Variants in TMEM245 observed in about 807,000 individuals in gnomAD.
TMEM245 encodes transmembrane protein 245.
A neutral mutation model predicts 101.2 loss-of-function variants in TMEM245; 69 were observed. The observed-to-expected ratio is 0.68, with a 90% confidence interval of 0.56 to 0.83. The LOEUF (loss-of-function observed/expected upper bound fraction) is 0.83, where lower values mean the gene tolerates loss of function less well. TMEM245 is among the 40% of genes least tolerant of loss of function. The pLI is 0.00. For synonymous variants in TMEM245, 537 were observed against 449.8 expected (o/e 1.19, Z -2.45); for missense variants, 1,075 against 1,092.8 (o/e 0.98, Z 0.23).
At chr9:109,045,942 T>C (rs762921241) in intron 14 of TMEM245, among the ~76,000 whole-genome samples, 2 of 152,210 alleles carry the variant, frequency 1.3e-5, no homozygotes, top group African/African-American at 2.4e-5. Context: ...CATTTAAATA[T>C]TGTTTATACT....
intron 14 of TMEM245, among the ~76,000 whole-genome samples, chr9:109,043,404 G>T (rs1472304393): frequency 6.6e-6 from 1 of 152,116 alleles, no homozygotes; most frequent in Admixed American, 6.5e-5. Flanking sequence ...AGCACCTACT[G>T]CAGAAATTGA....
At chr9:109,023,814 C>T (rs1298200962) in intron 17 of TMEM245, among the ~76,000 whole-genome samples, 1 of 143,534 alleles carries the variant, frequency 7.0e-6, no homozygotes, top group Non-Finnish European at 1.5e-5. Context: ...CCAGCCTAGG[C>T]GACAGAGTGA....
chr9:109,114,557 A>G (rs1244121545), intron 1 of TMEM245, among the ~76,000 whole-genome samples: 1 of 152,228 alleles, frequency 6.6e-6, no homozygotes, highest in Admixed American at 6.5e-5. Flanking sequence ...TTAGAACTTC[A>G]GGTGTTTTTA....
chr9:109,064,543 G>T lies in TMEM245; in HGVS notation c.1557C>A (p.Val519=), dbSNP rs541351005. The T allele has an allele frequency of 1.9e-6, 3 of 1,613,720 alleles. No homozygotes were observed. Among genetic ancestry groups the T allele is most frequent in the South Asian group, 1.1e-5 (1 of 91,046 alleles). Residue 519 remains valine (V), a synonymous_variant, in exon 10 of 18, where the codon GTC becomes GTA. Coordinates refer to ENST00000374586, the MANE Select transcript of TMEM245 (RefSeq NM_032012.4). ...WANWLPEAQV[V]QRALNSAANN... ...TAGCCGCAGAATTCAGGGCTCTTTGGACTACCTGAGCCTCAGGAAGCCAAC... is the reference window on the plus strand; with the variant it reads ...TAGCCGCAGAATTCAGGGCTCTTTGTACTACCTGAGCCTCAGGAAGCCAAC...
At chr9:109,033,217 T>C in intron 17 of TMEM245, 90 bp downstream of exon 17, 1 of 1,332,168 alleles carries the variant, frequency 7.5e-7, no homozygotes, top group South Asian at 1.7e-5. Context: ...ACCTTTATCC[T>C]GACAAGTCTG....
chr9:109,087,038 A>C (rs1464463372), intron 6 of TMEM245, 135 bp downstream of exon 6: 6 of 764,940 alleles, frequency 7.8e-6, no homozygotes, highest in Non-Finnish European at 1.2e-5. Flanking sequence ...AATTTTAAAC[A>C]TTAAACTTTC....
At chr9:109,077,987 CTG>C (rs1829561222) in intron 8 of TMEM245, among the ~76,000 whole-genome samples, 1 of 152,182 alleles carries the variant, frequency 6.6e-6, no homozygotes, top group South Asian at 2.1e-4. Flanking sequence ...TATTGGTCCT[CTG>C]TTGTTCCTGC....
intron 15 of TMEM245, among the ~76,000 whole-genome samples, chr9:109,036,582 C>T (rs968589011): frequency 6.6e-6 from 1 of 152,086 alleles, no homozygotes; most frequent in Non-Finnish European, 1.5e-5. Context: ...AAATGTGATA[C>T]TAAAAATCTT....
chr9:109,060,379 C>G lies in TMEM245; in HGVS notation c.1697G>C (p.Arg566Thr). The change falls in exon 11 of 18, where the codon AGA becomes ACA. Residue 566 changes from arginine to threonine, a missense_variant. Arg to Thr is a moderately conservative substitution (Grantham distance 71). Coordinates refer to ENST00000374586, the MANE Select transcript of TMEM245 (RefSeq NM_032012.4). Reference protein sequence around the residue: ...IEKQVLELWDRLYHSWFVKNV... With the variant: ...IEKQVLELWDTLYHSWFVKNV... The stretch of plus-strand genomic sequence containing the variant: ...CTTTACAAACCAAGAGTGATACAGT[C>G]TGTCCCAAAGTTCTAGTACTTGCTT... The G allele has an allele frequency of 6.2e-7, 1 of 1,613,444 alleles. No individual in the cohort carries two copies. The highest frequency in any genetic ancestry group is 8.5e-7 in the Non-Finnish European group (1 of 1,179,690).
intron 1 of TMEM245, among the ~76,000 whole-genome samples, chr9:109,114,446 G>A (rs1830654660): frequency 1.3e-5 from 2 of 152,148 alleles, no homozygotes; most frequent in South Asian, 4.1e-4. Context: ...CTTAGAAATT[G>A]TTCAAGCCAA....
At chr9:109,066,298 T>C (rs1829161451) in intron 9 of TMEM245, among the ~76,000 whole-genome samples, 1 of 151,266 alleles carries the variant, frequency 6.6e-6, no homozygotes. Flanking sequence ...TACTAAAAAA[T>C]ACAAAAATTA....
intron 16 of TMEM245, among the ~76,000 whole-genome samples, chr9:109,035,829 G>C (rs564123350): frequency 6.6e-6 from 1 of 151,510 alleles, no homozygotes; most frequent in East Asian, 1.9e-4. Flanking sequence ...TAGTGCCTTG[G>C]GAAGTTCAAG....
chr9:109,094,623 C>G (rs1830092075), intron 3 of TMEM245, among the ~76,000 whole-genome samples: 1 of 152,214 alleles, frequency 6.6e-6, no homozygotes, highest in Non-Finnish European at 1.5e-5. Flanking sequence ...CCTGATTGCA[C>G]TGCTTCCACC....
rs931793651 is a variant in TMEM245 at position 109,016,662 on chromosome 9, T to G, written c.*3798A>C. 21 of 35,948 alleles carry G rather than the reference T, an allele frequency of 5.8e-4. No individual in the cohort carries two copies. The highest frequency in any genetic ancestry group is 2.1e-3 in the Admixed American group (8 of 3,804). 2.2% of individuals were successfully genotyped at this position (35,948 alleles called of 1,614,324 possible). ...GTGGCTGCAGACAGCATGTGTGTTTTTTTTTTTTTTTTTTTTTGCAGGTTC... is the reference window on the plus strand; with the variant it reads ...GTGGCTGCAGACAGCATGTGTGTTTGTTTTTTTTTTTTTTTTTGCAGGTTC... On this transcript the variant is annotated 3_prime_UTR_variant, in exon 18 of 18. Transcript: ENST00000374586.
At chr9:109,054,491 A>C (rs1309380517) in intron 12 of TMEM245, among the ~76,000 whole-genome samples, 2 of 152,328 alleles carry the variant, frequency 1.3e-5, no homozygotes, top group Admixed American at 6.5e-5. Context: ...TTCAGGTATC[A>C]AAAGGGTGAA....
At chr9:109,108,204 G>T (rs1345401076) in intron 2 of TMEM245, among the ~76,000 whole-genome samples, 18 of 151,954 alleles carry the variant, frequency 1.2e-4, no homozygotes. Context: ...GAATCCAAGG[G>T]TGCTCTACTT....
intron 14 of TMEM245, among the ~76,000 whole-genome samples, chr9:109,040,079 A>T (rs1246627342): frequency 6.6e-6 from 1 of 152,172 alleles, no homozygotes; most frequent in African/African-American, 2.4e-5. Flanking sequence ...TCTTTCTTTC[A>T]CTGCTGAGAA....
At chr9:109,082,688 T>A (rs1829701961) in intron 7 of TMEM245, among the ~76,000 whole-genome samples, 1 of 152,176 alleles carries the variant, frequency 6.6e-6, no homozygotes, top group African/African-American at 2.4e-5. Flanking sequence ...CTGAAATGTA[T>A]TTTTAAATGT....
chr9:109,080,434 T>A (rs1161616802), intron 8 of TMEM245, among the ~76,000 whole-genome samples: 2 of 152,004 alleles, frequency 1.3e-5, no homozygotes, highest in Non-Finnish European at 2.9e-5. Context: ...ATGGTATATA[T>A]CAGCAGAAGG....
Sources: allele counts gnomAD v4.1 joint callset (sites outside exome capture counted in the v4.1 genomes callset), GRCh38; gene constraint gnomAD v4.1.1; transcripts MANE v1.5; gene names NCBI Gene and HGNC (gene_info 2026-07-23, HGNC 2026-07-21).